TAS1R1: variants seen among roughly 807,000 people sequenced by gnomAD.
TAS1R1 encodes taste receptor type 1 member 1.
Under a neutral mutation model 45.8 loss-of-function variants are expected in TAS1R1, and 31 were observed. The ratio of observed to expected loss-of-function variants is 0.68; its 90% CI spans 0.51 to 0.91. TAS1R1 has a LOEUF of 0.91. Among genes scored for constraint, TAS1R1 ranks in the 40% least tolerant of loss-of-function variants. The pLI, the probability that TAS1R1 is intolerant of heterozygous loss-of-function variation, is 0.00. For synonymous variants in TAS1R1, 437 were observed against 448.4 expected (o/e 0.97, Z 0.32); for missense variants, 1,051 against 1,063.9 (o/e 0.99, Z 0.17).
At chr1:6,565,870 A>G (rs1639864764) in intron 1 of TAS1R1, among the ~76,000 whole-genome samples, 1 of 152,168 alleles carries the variant, frequency 6.6e-6, no homozygotes, top group Admixed American at 6.5e-5. Context: ...CTGCATTCCT[A>G]AGAAAGAGAG....
chr1:6,573,925 T>C (rs1007065340), intron 2 of TAS1R1, among the ~76,000 whole-genome samples: 1 of 152,142 alleles, frequency 6.6e-6, no homozygotes, highest in South Asian at 2.1e-4. Context: ...GGCCTCCCAA[T>C]GTGCTGGGAT....
intron 1 of TAS1R1, among the ~76,000 whole-genome samples, chr1:6,568,311 C>T (rs1393996292): frequency 2.0e-5 from 3 of 151,868 alleles, no homozygotes; most frequent in African/African-American, 4.8e-5. Flanking sequence ...AAAAATTAGC[C>T]GGGCGTGGCG....
intron 2 of TAS1R1, among the ~76,000 whole-genome samples, chr1:6,573,531 C>T (rs1199902795): frequency 1.3e-5 from 2 of 152,172 alleles, no homozygotes; most frequent in Non-Finnish European, 2.9e-5. Flanking sequence ...CTGTGGCTTA[C>T]AGCAGTGGCC....
chr1:6,573,367 G>A (rs1640070075), intron 2 of TAS1R1, among the ~76,000 whole-genome samples: 1 of 152,124 alleles, frequency 6.6e-6, no homozygotes, highest in Admixed American at 6.5e-5. Context: ...TGAGGCAGGA[G>A]AATTTCTTGA....
At position 6,576,613 on chromosome 1, in the gene TAS1R1, G is replaced by A. The variant is rs776690750; in HGVS notation, c.1459G>A (p.Gly487Arg). The A allele has an allele frequency of 4.2e-5, 67 of 1,613,454 alleles. No individual in the cohort carries two copies. The highest frequency in any genetic ancestry group is 5.2e-5 in the Non-Finnish European group (61 of 1,179,650). Residue 487 changes from glycine to arginine, a missense_variant, in exon 4 of 6, where the codon GGA (glycine) becomes AGA (arginine). By Grantham distance (125) the Gly-to-Arg change is moderately radical. Transcript: ENST00000333172. Reference protein sequence around the residue: ...NINETKIQWHGKDNQVPKSVC... With the variant: ...NINETKIQWHRKDNQVPKSVC... ...AAATGAGACCAAAATCCAGTGGCAC[G>A]GAAAGGACAACCAGGTAATGGGGAT...
chr1:6,578,699 G>A lies in TAS1R1; in HGVS notation c.1641G>A (p.Glu547=). The stretch of plus-strand genomic sequence containing the variant: ...GTGGGAAAGAAGAGTGGGCACCTGA[G>A]GGAAGCCAGACCTGCTTCCCGCGCA... ...QPCGKEEWAP[E]GSQTCFPRTV... The change falls in exon 6 of 6, where the codon GAG becomes GAA. Residue 547 remains glutamate, a synonymous_variant. Transcript: ENST00000333172. The A allele has an allele frequency of 6.2e-7, 1 of 1,604,410 alleles. No individual in the cohort carries two copies. Among genetic ancestry groups the A allele is most frequent in the Non-Finnish European group, 8.5e-7 (1 of 1,173,830 alleles).
In TAS1R1 at chr1:6,558,320, G is replaced by C. The variant is rs1639722550; in HGVS notation, c.191+2756G>C. On this transcript the variant is annotated intron_variant, in intron 1 of 5. Coordinates refer to ENST00000333172, the MANE Select transcript of TAS1R1 (RefSeq NM_138697.4). Reference sequence around the variant, plus strand: ...GCCTCCCAGAGTGCTAAGATTATAGGTGTGAGCCGTGGTGGTGAATTTTGC... The same window carrying C: ...GCCTCCCAGAGTGCTAAGATTATAGCTGTGAGCCGTGGTGGTGAATTTTGC... Among the ~76,000 whole-genome samples, 3 of 152,238 alleles carry C rather than the reference G, an allele frequency of 2.0e-5. No homozygotes were observed. The South Asian group carries it at 6.2e-4, about 32-fold the overall frequency.
Position 6,576,621 on chromosome 1 carries a change from C to A in TAS1R1, c.1467C>A (p.Asp489Glu). ...CCAAAATCCAGTGGCACGGAAAGGA[C>A]AACCAGGTAATGGGGATGTGGCTAC... ...NETKIQWHGK[D>E]NQVPKSVCSS... Residue 489 changes from aspartate to glutamate, a missense_variant, in exon 4 of 6, where the codon GAC becomes GAA. Asp to Glu is a conservative substitution (Grantham distance 45). Transcript: ENST00000333172. The A allele has an allele frequency of 6.2e-7, 1 of 1,613,270 alleles. No homozygotes were observed. The highest frequency in any genetic ancestry group is 8.5e-7 in the Non-Finnish European group (1 of 1,179,482).
At chr1:6,575,608 T>C (rs557872051) in intron 3 of TAS1R1, among the ~76,000 whole-genome samples, 3 of 152,104 alleles carry the variant, frequency 2.0e-5, no homozygotes, top group Non-Finnish European at 4.4e-5. Context: ...AACTTCCACC[T>C]CCTGGGTTCA....
intron 1 of TAS1R1, 142 bp downstream of exon 1, chr1:6,555,706 C>T: frequency 1.3e-6 from 1 of 759,446 alleles, no homozygotes; most frequent in South Asian, 1.9e-5. Context: ...CCACTTGCCA[C>T]CTAAGTGCTG....
At chr1:6,558,036 G>GTTGT (rs1639714987) in intron 1 of TAS1R1, among the ~76,000 whole-genome samples, 38 of 140,818 alleles carry the variant, frequency 2.7e-4, no homozygotes, top group African/African-American at 1.0e-3. Context: ...GTAGTGGTTA[G>GTTGT]TTTTTGTTTT....
chr1:6,567,598 T>C (rs1046134287), intron 1 of TAS1R1, among the ~76,000 whole-genome samples: 1 of 150,358 alleles, frequency 6.7e-6, no homozygotes, highest in Non-Finnish European at 1.5e-5. Context: ...GCTTACCTGA[T>C]ACTAGCAGAG....
rs1443924213 is a variant in TAS1R1 at position 6,576,432 on chromosome 1, C to T, written c.1278C>T (p.His426=). The change falls in exon 4 of 6, where the codon CAC becomes CAT. Residue 426 remains histidine, a synonymous_variant. Coordinates refer to ENST00000333172, the MANE Select transcript of TAS1R1 (RefSeq NM_138697.4). ...TCTTTCAGCTTTTGGAGCAGATCCACAAGGTGCATTTCCTTCTACACAAGG... is the reference window on the plus strand; with the variant it reads ...TCTTTCAGCTTTTGGAGCAGATCCATAAGGTGCATTTCCTTCTACACAAGG... ...VYPWQLLEQI[H]KVHFLLHKDT... 1.9e-6 allele frequency: 3 copies of T among 1,614,228 alleles called. No homozygotes were observed. The highest frequency in any genetic ancestry group is 1.7e-5 in the Admixed American group (1 of 60,028).
At chr1:6,567,191 G>C (rs2148670041) in intron 1 of TAS1R1, among the ~76,000 whole-genome samples, 1 of 152,284 alleles carries the variant, frequency 6.6e-6, no homozygotes. Context: ...GTGGCACATG[G>C]ACGCGAGATG....
In TAS1R1 at chr1:6,574,976, G is replaced by A. The variant is rs1557809327; in HGVS notation, c.844G>A (p.Val282Met). 1 of 1,605,692 alleles carries A rather than the reference G, an allele frequency of 6.2e-7. No individual in the cohort carries two copies. ...VVFSSRQLAR[V>M]FFESVVLTNL... ...TTTTTCCAGCCGGCAGTTGGCCAGG[G>A]TGTTTTTCGAGTCCGTGGTGCTGAC... The change falls in exon 3 of 6, where the codon GTG (valine) becomes ATG (methionine). Residue 282 changes from valine to methionine, a missense_variant. By Grantham distance (21) the Val-to-Met change is conservative. Transcript: ENST00000333172. This position sits in a 1 kb window ranked among gnomAD's most constrained non-coding sequence, Gnocchi z 4.3.
chr1:6,579,020 C>A lies in TAS1R1; in HGVS notation c.1962C>A (p.Phe654Leu), dbSNP rs779802907. Reference sequence around the variant, plus strand: ...TGTCCTGCCTGACAGTTCGCTCATTCCAACTAATCATCATCTTCAAGTTTT... The same window carrying A: ...TGTCCTGCCTGACAGTTCGCTCATTACAACTAATCATCATCTTCAAGTTTT... ...IFLSCLTVRS[F>L]QLIIIFKFST... is the part of the protein sequence containing the mutation. Residue 654 changes from phenylalanine to leucine, a missense_variant, in exon 6 of 6, where the codon TTC (phenylalanine) becomes TTA (leucine). Physicochemically the swap from Phe to Leu is conservative, Grantham distance 22 (BLOSUM62 0). Transcript: ENST00000333172. The A allele has an allele frequency of 4.0e-5, 65 of 1,613,582 alleles. No homozygotes were observed. The highest frequency in any genetic ancestry group is 5.5e-5 in the Non-Finnish European group (65 of 1,179,590).
Position 6,574,705 on chromosome 1 carries a change from T to G in TAS1R1, c.573T>G (p.Asn191Lys). ...CCTCTTTCCTGCGCACCATCCCCAA[T>G]GACAAGTACCAGGTGGAGACCATGG... ...QYPSFLRTIPNDKYQVETMVL... is the reference protein window; with the variant it reads ...QYPSFLRTIPKDKYQVETMVL... The change falls in exon 3 of 6, where the codon AAT (asparagine) becomes AAG (lysine). Residue 191 changes from asparagine to lysine, a missense_variant. Physicochemically the swap from Asn to Lys is moderately conservative, Grantham distance 94. Coordinates refer to ENST00000333172, the MANE Select transcript of TAS1R1 (RefSeq NM_138697.4). The surrounding 1 kb of genome is among the most constrained non-coding windows in gnomAD (Gnocchi z 4.3). 1.9e-6 allele frequency: 3 copies of G among 1,614,196 alleles called. No homozygotes were observed. The highest frequency in any genetic ancestry group is 2.5e-6 in the Non-Finnish European group (3 of 1,180,024).
chr1:6,555,521 T>C lies in TAS1R1; in HGVS notation c.148T>C (p.Cys50Arg), dbSNP rs1486401520. ...LAGLFPLHSG[C>R]LQVRHRPEVT... The stretch of plus-strand genomic sequence containing the variant: ...AGGCCTGTTCCCTCTCCATTCTGGC[T>C]GTCTGCAGGTGAGGCACAGACCCGA... The change falls in exon 1 of 6, where the codon TGT (cysteine) becomes CGT (arginine). Residue 50 changes from cysteine to arginine, a missense_variant. Cys to Arg is a radical substitution (Grantham distance 180). Transcript: ENST00000333172. 22 of 1,558,176 alleles carry C rather than the reference T, an allele frequency of 1.4e-5. No individual in the cohort carries two copies. The highest frequency in any genetic ancestry group is 1.8e-5 in the Non-Finnish European group (21 of 1,150,604).
chr1:6,568,312 G>A (rs918247449), intron 1 of TAS1R1, among the ~76,000 whole-genome samples: 1 of 151,846 alleles, frequency 6.6e-6, no homozygotes, highest in South Asian at 2.1e-4. Context: ...AAAATTAGCC[G>A]GGCGTGGCGG....
Sources: allele counts gnomAD v4.1 joint callset (sites outside exome capture counted in the v4.1 genomes callset), GRCh38; gene constraint gnomAD v4.1.1; non-coding constraint Gnocchi (gnomAD v3.1); transcripts MANE v1.5; gene names NCBI Gene and HGNC (gene_info 2026-07-23, HGNC 2026-07-21).